Variants in DISP3 observed in about 807,000 individuals in gnomAD.
The protein encoded by DISP3 is protein dispatched homolog 3.
A neutral mutation model predicts 135.3 loss-of-function variants in DISP3; 101 were observed. That is an observed-to-expected ratio of 0.75 (90% CI 0.64 to 0.88). DISP3 has a LOEUF of 0.88. Among genes scored for constraint, DISP3 ranks in the 40% least tolerant of loss-of-function variants. DISP3 has a pLI of 0.00. For synonymous variants in DISP3, 856 were observed against 817.0 expected (o/e 1.05, Z -0.81); for missense variants, 1,713 against 1,878.6 (o/e 0.91, Z 1.63).
intron 12 of DISP3, 61 bp downstream of exon 12, chr1:11,525,373 G>A: frequency 6.4e-7 from 1 of 1,566,378 alleles, no homozygotes; most frequent in Non-Finnish European, 8.7e-7. Flanking sequence ...GGCTCTCAGG[G>A]CCACACTGGT....
At chr1:11,514,622 C>T (rs922530444) in intron 4 of DISP3, 96 bp downstream of exon 4, 30 of 1,437,530 alleles carry the variant, frequency 2.1e-5, no homozygotes, top group Admixed American at 5.3e-5. Context: ...TACTCTTGAG[C>T]CCAGCATGTC....
Position 11,502,880 on chromosome 1 carries a change from G to A in DISP3, c.1299G>A (p.Leu433=), listed in dbSNP as rs750977435. Residue 433 remains leucine (L), a synonymous_variant, in exon 3 of 21, where the codon CTG becomes CTA. Transcript: ENST00000294484. The stretch of plus-strand genomic sequence containing the variant: ...TCGTGGTCACCTACGTGGCCATGCT[G>A]GCCAAGCAGTCTACCAGGTAGGAAG... ...QSFVVTYVAM[L]AKQSTSKVQV... 6.2e-7 allele frequency: 1 copy of A among 1,613,358 alleles called. No homozygotes were observed. Among genetic ancestry groups the A allele is most frequent in the Admixed American group, 1.7e-5 (1 of 59,970 alleles).
At chr1:11,534,836 G>A in intron 18 of DISP3, 175 bp from the exon 19 acceptor site, 1 of 781,060 alleles carries the variant, frequency 1.3e-6, no homozygotes, top group Non-Finnish European at 2.2e-6. Context: ...CCGGGCTGAG[G>A]GCCTGACCTG....
In DISP3 at chr1:11,519,280, C is replaced by G. The variant is rs557964707; in HGVS notation, c.1890-75C>G. 4.0e-6 allele frequency: 6 copies of G among 1,506,648 alleles called. No individual in the cohort carries two copies. The African/African-American group carries it at 5.5e-5, about 14-fold the overall frequency. The allele number at this position is 1,506,648 out of a possible 1,614,324, so 93.3% of individuals were successfully genotyped here. A position where few individuals can be genotyped will look rare whatever the true frequency, so the allele number is the denominator to read the frequency against. ...ACTGTGATACCTGGGTTCATCTGAT[C>G]CTCAGGGCCCTGCCCCACCCTCCCT... On this transcript the variant is annotated intron_variant, in intron 7 of 20. Coordinates refer to ENST00000294484, the MANE Select transcript of DISP3 (RefSeq NM_020780.2). The surrounding 1 kb of genome is among the most constrained non-coding windows in gnomAD (Gnocchi z 4.3).
Position 11,536,462 on chromosome 1 carries a change from G to A in DISP3, c.3955G>A (p.Gly1319Ser), listed in dbSNP as rs1197944890. 15 of 1,613,534 alleles carry A rather than the reference G, an allele frequency of 9.3e-6. No homozygotes were observed. The highest frequency in any genetic ancestry group is 4.5e-5 in the East Asian group (2 of 44,890). Reference protein sequence around the residue: ...FCIIAPFAKFGKIVALNTGVS... With the variant: ...FCIIAPFAKFSKIVALNTGVS... The stretch of plus-strand genomic sequence containing the variant: ...CATCATCGCCCCATTTGCCAAGTTC[G>A]GCAAGATTGTGGCACTCAACACGGG... Residue 1319 changes from glycine to serine, a missense_variant, in exon 21 of 21, where the codon GGC becomes AGC. Coordinates refer to ENST00000294484, the MANE Select transcript of DISP3 (RefSeq NM_020780.2). This position sits in a 1 kb window ranked among gnomAD's most constrained non-coding sequence, Gnocchi z 4.3.
In DISP3 at chr1:11,519,905, C is replaced by A. The variant is rs1642131838; in HGVS notation, c.2200+25C>A. 6.3e-7 allele frequency: 1 copy of A among 1,586,512 alleles called. No homozygotes were observed. Among genetic ancestry groups the A allele is most frequent in the Admixed American group, 1.7e-5 (1 of 58,314 alleles). The stretch of plus-strand genomic sequence containing the variant: ...GGTAAGTGGGCCCTCCGGCCCTGCC[C>A]CCTGTCTCACAGCTCCACCCCCAAA... On this transcript the variant is annotated intron_variant, in intron 9 of 20. Coordinates refer to ENST00000294484, the MANE Select transcript of DISP3 (RefSeq NM_020780.2). The surrounding 1 kb of genome is among the most constrained non-coding windows in gnomAD (Gnocchi z 4.3).
chr1:11,522,749 GACCCA>G (rs1557615373), intron 10 of DISP3, among the ~76,000 whole-genome samples: 15 of 79,184 alleles, frequency 1.9e-4, no homozygotes, highest in East Asian at 3.5e-4. Flanking sequence ...GCCCAGCCAG[GACCCA>G]GCCAGGACCC....
At chr1:11,527,422 A>G (rs1642455117) in intron 13 of DISP3, among the ~76,000 whole-genome samples, 2 of 151,900 alleles carry the variant, frequency 1.3e-5, no homozygotes, top group Non-Finnish European at 2.9e-5. Context: ...GGTGGCACGC[A>G]CCTGTAATCC....
chr1:11,490,255 TTTTTTGTTTTTG>T (rs201521456), intron 1 of DISP3, among the ~76,000 whole-genome samples: 5 of 151,880 alleles, frequency 3.3e-5, no homozygotes, highest in East Asian at 3.9e-4. Context: ...GTTGCTGGGG[TTTTTTGTTTTTG>T]TTTTTGTTTT....
At chr1:11,493,250 C>T (rs114065054) in intron 1 of DISP3, among the ~76,000 whole-genome samples, 2,492 of 152,208 alleles carry the variant, frequency 0.016, 68 homozygotes, top group African/African-American at 0.057. Flanking sequence ...GGCTGAAGAC[C>T]CAAGAAGAGC....
Position 11,534,444 on chromosome 1 carries a change from C to T in DISP3, c.3439C>T (p.Leu1147Phe), listed in dbSNP as rs541512085. 6.2e-7 allele frequency: 1 copy of T among 1,614,212 alleles called. No individual in the cohort carries two copies. The highest frequency in any genetic ancestry group is 1.1e-5 in the South Asian group (1 of 91,090). ...GGACTACCTGCGCTGGGAGAGCTTC[C>T]TCCAGCAGCAGCTGCAGGCCTTGCC... The part of the protein sequence containing the change: ...YSDYLRWESF[L>F]QQQLQALPEG... The change falls in exon 18 of 21, where the codon CTC becomes TTC. Residue 1147 changes from leucine (L) to phenylalanine (F), a missense_variant. Physicochemically the swap from Leu to Phe is conservative, Grantham distance 22. Around this residue, in one of 2 missense-constraint regions of DISP3, gnomAD observed 1,142 missense variants for 1,384.6 expected, o/e 0.82. Coordinates refer to ENST00000294484, the MANE Select transcript of DISP3 (RefSeq NM_020780.2).
At chr1:11,486,398 C>T (rs1641036880) in intron 1 of DISP3, among the ~76,000 whole-genome samples, 1 of 152,180 alleles carries the variant, frequency 6.6e-6, no homozygotes, top group African/African-American at 2.4e-5. Context: ...CGCCCCCTTC[C>T]CTTCTTTAGC....
At position 11,531,096 on chromosome 1, in the gene DISP3, G is replaced by T; in HGVS notation, c.3229+63G>T. 6.2e-7 allele frequency: 1 copy of T among 1,600,876 alleles called. No homozygotes were observed. The highest frequency in any genetic ancestry group is 8.5e-7 in the Non-Finnish European group (1 of 1,176,874). Reference sequence around the variant, plus strand: ...GATGGACTGACTGGGGAGGCACAGAGGCCGTGGTCCAAGGTAGACAGCCCG... The same window carrying T: ...GATGGACTGACTGGGGAGGCACAGATGCCGTGGTCCAAGGTAGACAGCCCG... On this transcript the variant is annotated intron_variant, in intron 16 of 20. Transcript: ENST00000294484. This position sits in a 1 kb window ranked among gnomAD's most constrained non-coding sequence, Gnocchi z 5.2.
At chr1:11,481,482 C>G (rs1570044036) in intron 1 of DISP3, 1 of 152,256 alleles carries the variant, frequency 6.6e-6, no homozygotes, top group South Asian at 2.1e-4. Flanking sequence ...CCTTTGACAC[C>G]TCTCCTGCTG....
intron 7 of DISP3, among the ~76,000 whole-genome samples, chr1:11,518,668 G>A (rs953225945): frequency 3.3e-5 from 5 of 152,066 alleles, no homozygotes; most frequent in African/African-American, 1.2e-4. Flanking sequence ...CTCCTCCCTC[G>A]GCAGCCATGA....
rs1376937200 is a variant in DISP3 at position 11,530,932 on chromosome 1, T to C, written c.3128T>C (p.Phe1043Ser). ...DPGSVVYDSS[F>S]DLFKEIGHLC... ...GGTAGTGTTGTCTACGACAGCAGCT[T>C]TGACCTCTTCAAGGAAATTGGGCAC... The change falls in exon 16 of 21, where the codon TTT becomes TCT. Residue 1043 changes from phenylalanine (F) to serine (S), a missense_variant. Around this residue, in one of 2 missense-constraint regions of DISP3, gnomAD observed 1,142 missense variants for 1,384.6 expected, o/e 0.82. Transcript: ENST00000294484. The C allele has an allele frequency of 6.2e-7, 1 of 1,613,830 alleles. No individual in the cohort carries two copies. The highest frequency in any genetic ancestry group is 8.5e-7 in the Non-Finnish European group (1 of 1,179,948).
At chr1:11,492,650 T>C (rs934903973) in intron 1 of DISP3, among the ~76,000 whole-genome samples, 3 of 152,092 alleles carry the variant, frequency 2.0e-5, no homozygotes, top group Non-Finnish European at 4.4e-5. Flanking sequence ...GGCTGGCAAA[T>C]TGAGCCAACA....
At chr1:11,526,515 A>G in intron 12 of DISP3, 136 bp from the exon 13 acceptor site, 2 of 991,988 alleles carry the variant, frequency 2.0e-6, no homozygotes, top group Non-Finnish European at 3.1e-6. Flanking sequence ...GCCTCTGCCC[A>G]GGGCTCTGTC....
intron 6 of DISP3, 51 bp from the exon 7 acceptor site, chr1:11,517,412 T>A: frequency 6.2e-7 from 1 of 1,600,336 alleles, no homozygotes; most frequent in Non-Finnish European, 8.6e-7. Context: ...CCAGGCCCCC[T>A]GACTGCAGGT....
Sources: gnomAD v4.1 joint callset for allele counts (sites outside exome capture counted in the v4.1 genomes callset) on GRCh38, gnomAD v4.1.1 for gene constraint, gnomAD v4.1.1 regional missense constraint, Gnocchi (gnomAD v3.1) non-coding constraint, MANE v1.5 for transcripts, NCBI Gene and HGNC (gene_info 2026-07-23, HGNC 2026-07-21) for gene names.